The following BCL2L14 variants were observed in gnomAD, a reference collection of about 807,000 sequenced individuals.
BCL2L14 encodes BCL2 like 14, also known as apoptosis facilitator Bcl-2-like protein 14.
In BCL2L14, 27 loss-of-function variants were observed where a neutral mutation model predicts 35.3. The ratio of observed to expected loss-of-function variants is 0.76; its 90% CI spans 0.56 to 1.05. The LOEUF is 1.05. Ranked by LOEUF, BCL2L14 falls within the 50% of genes least tolerant of loss-of-function variation. BCL2L14 has a pLI of 0.00. For synonymous variants in BCL2L14, 139 were observed against 145.9 expected, an observed-to-expected ratio of 0.95 and a Z score of 0.34; for missense variants, 377 against 382.6, an observed-to-expected ratio of 0.99 and a Z score of 0.12.
intron 3 of BCL2L14, among the ~76,000 whole-genome samples, chr12:12,089,350 C>T (rs11054679): frequency 0.35 from 51,873 of 147,868 alleles, 9,115 homozygotes; most frequent in Non-Finnish European, 0.37. Context: ...GCCTGGGTGA[C>T]AAGAGTGAAA....
intron 2 of BCL2L14, among the ~76,000 whole-genome samples, chr12:12,059,108 G>C (rs538265835): frequency 3.9e-5 from 6 of 152,154 alleles, no homozygotes; most frequent in African/African-American, 1.4e-4. Context: ...TGCCGGTCAC[G>C]GACTGGGAAT....
At chr12:12,077,184 T>G (rs1276258626) in intron 1 of BCL2L14, among the ~76,000 whole-genome samples, 4 of 152,138 alleles carry the variant, frequency 2.6e-5, no homozygotes, top group Non-Finnish European at 1.5e-5. Context: ...GCAGCTTACA[T>G]GCCGAAAGAC....
chr12:12,049,966 A>G (rs907950227), intron 1 of BCL2L14: 3 of 152,214 alleles, frequency 2.0e-5, no homozygotes, highest in Non-Finnish European at 4.4e-5. Flanking sequence ...TGAGTGCTAC[A>G]TAAGTTTCTT....
intron 2 of BCL2L14, among the ~76,000 whole-genome samples, chr12:12,061,236 C>T (rs1373221611): frequency 6.6e-6 from 1 of 151,580 alleles, no homozygotes; most frequent in Non-Finnish European, 1.5e-5. Context: ...CAGTTCAAAG[C>T]CTCCTTCACA....
intron 2 of BCL2L14, among the ~76,000 whole-genome samples, chr12:12,079,976 G>A (rs916431461): frequency 5.9e-5 from 9 of 152,176 alleles, no homozygotes; most frequent in East Asian, 5.8e-4. Flanking sequence ...AGGCCAAGGC[G>A]GGTGGATCAT....
intron 1 of BCL2L14, among the ~76,000 whole-genome samples, chr12:12,075,205 C>A (rs141229547): frequency 0.017 from 2,563 of 152,066 alleles, 37 homozygotes; most frequent in African/African-American, 0.024. Flanking sequence ...TCACTGCAAC[C>A]TTTGCCTCCC....
At chr12:12,064,745 T>A (rs1235233325) in intron 2 of BCL2L14, among the ~76,000 whole-genome samples, 1 of 152,340 alleles carries the variant, frequency 6.6e-6, no homozygotes, top group Non-Finnish European at 1.5e-5. Flanking sequence ...ACAATGTTTA[T>A]CACCGTGGCT....
chr12:12,050,793 T>TAAAAAAAAAAAAAAA (rs3052084), intron 1 of BCL2L14, among the ~76,000 whole-genome samples: 31 of 88,250 alleles, frequency 3.5e-4, no homozygotes, highest in East Asian at 7.1e-4. Flanking sequence ...GCTGATGAGC[T>TAAAAAAAAAAAAAAA]AAAAAAAAAA....
chr12:12,058,105 C>A (rs569734276), intron 2 of BCL2L14, among the ~76,000 whole-genome samples: 2 of 151,546 alleles, frequency 1.3e-5, no homozygotes, highest in African/African-American at 2.4e-5. Flanking sequence ...TGTGCCACCA[C>A]GCCCAGCTAA....
At chr12:12,095,363 G>A (rs884139) in intron 5 of BCL2L14, 285,167 of 985,072 alleles carry the variant, frequency 0.29, 42,310 homozygotes, top group Middle Eastern at 0.35. Context: ...AGGGTTCATG[G>A]CATTTTGTCA....
chr12:12,094,755 T>C lies in BCL2L14; in HGVS notation c.770T>C (p.Val257Ala). ...KTITDQVLMG[V>A]DPRGESEVKA... ...ATCACAGACCAGGTCCTAATGGGTG[T>C]GGACCCCAGGGGAGAATCAGAGGTC... is the stretch of plus-strand genomic sequence containing the variant. Residue 257 changes from valine to alanine, a missense_variant, in exon 5 of 6, where the codon GTG becomes GCG. Physicochemically the swap from Val to Ala is moderately conservative, Grantham distance 64. Transcript: ENST00000308721. 3.7e-6 allele frequency: 6 copies of C among 1,614,200 alleles called. No homozygotes were observed. In the Admixed American group the frequency reaches 1.0e-4, roughly 27 times the overall value.
chr12:12,057,947 C>CTTT (rs71057796), intron 2 of BCL2L14, among the ~76,000 whole-genome samples: 5 of 139,736 alleles, frequency 3.6e-5, no homozygotes, highest in South Asian at 2.2e-4. Flanking sequence ...GTGTGTTTGT[C>CTTT]TTTTTTTTTT....
At chr12:12,062,146 T>G (rs370500670) in intron 2 of BCL2L14, among the ~76,000 whole-genome samples, 2 of 151,668 alleles carry the variant, frequency 1.3e-5, no homozygotes. Flanking sequence ...TCATACCTGA[T>G]GCATATACTT....
intron 2 of BCL2L14, among the ~76,000 whole-genome samples, chr12:12,059,050 T>C (rs1346065361): frequency 6.6e-6 from 1 of 152,230 alleles, no homozygotes; most frequent in Non-Finnish European, 1.5e-5. Flanking sequence ...TTTCATTTTC[T>C]GGTAGAGACA....
At chr12:12,089,138 A>T (rs557388983) in intron 3 of BCL2L14, among the ~76,000 whole-genome samples, 1 of 152,258 alleles carries the variant, frequency 6.6e-6, no homozygotes, top group East Asian at 1.9e-4. Flanking sequence ...AGGCCAAGGC[A>T]GGTGGATCGC....
At chr12:12,073,995 C>T (rs1948726590) in intron 1 of BCL2L14, among the ~76,000 whole-genome samples, 1 of 151,974 alleles carries the variant, frequency 6.6e-6, no homozygotes, top group African/African-American at 2.4e-5. Context: ...CTAGGGTGGC[C>T]AGAGTTAGCA....
rs533167439 is a variant in BCL2L14 at position 12,065,116 on chromosome 12, A to T, written c.-271-12590A>T. On this transcript the variant is annotated intron_variant, in intron 2 of 3. Transcript: ENST00000461264. ...AAAGATAGATTAACAAAAGAAAAAC[A>T]GACAGAAGTTTATTATTAACACATG... is the stretch of plus-strand genomic sequence containing the variant. Among the ~76,000 whole-genome samples the T allele has an allele frequency of 2.6e-5, 4 of 152,360 alleles. No individual in the cohort carries two copies. The East Asian group carries it at 7.7e-4, about 29-fold the overall frequency.
intron 2 of BCL2L14, among the ~76,000 whole-genome samples, chr12:12,085,441 G>A (rs1949021196): frequency 6.6e-6 from 1 of 152,230 alleles, no homozygotes; most frequent in South Asian, 2.1e-4. Context: ...TTCCAGCGGA[G>A]GCCGGCTGGG....
At chr12:12,073,044 GC>G (rs1356321763) in intron 1 of BCL2L14, among the ~76,000 whole-genome samples, 1 of 151,990 alleles carries the variant, frequency 6.6e-6, no homozygotes, top group Non-Finnish European at 1.5e-5. Context: ...ACACCACCAC[GC>G]CCAGCTAATT....
Sources: allele counts gnomAD v4.1 joint callset (sites outside exome capture counted in the v4.1 genomes callset), GRCh38; gene constraint gnomAD v4.1.1; transcripts MANE v1.5; gene names NCBI Gene and HGNC (gene_info 2026-07-23, HGNC 2026-07-21).